DSCAM: variants seen among roughly 807,000 people sequenced by gnomAD.
DSCAM encodes DS cell adhesion molecule.
Under a neutral mutation model 217.7 loss-of-function variants are expected in DSCAM, and 47 were observed. That is an observed-to-expected ratio of 0.22 (90% CI 0.17 to 0.28). The LOEUF (loss-of-function observed/expected upper bound fraction) is 0.28. DSCAM is among the 10% of genes least tolerant of loss of function. The pLI, the probability that DSCAM is intolerant of heterozygous loss-of-function variation, is 1.00. For synonymous variants in DSCAM, 1,056 were observed against 1,015.3 expected (o/e 1.04, Z -0.76); for missense variants, 2,080 against 2,618.3 (o/e 0.79, Z 4.49).
intron 3 of DSCAM, among the ~76,000 whole-genome samples, chr21:40,422,359 G>A (rs1321397010): frequency 6.6e-6 from 1 of 152,222 alleles, no homozygotes. Flanking sequence ...GCCGAGCACA[G>A]TGGCTCACTC....
At chr21:40,350,857 T>C (rs1027980100) in intron 5 of DSCAM, among the ~76,000 whole-genome samples, 1 of 150,954 alleles carries the variant, frequency 6.6e-6, no homozygotes, top group Non-Finnish European at 1.5e-5. Flanking sequence ...CATTCAAAAG[T>C]GTTTAGCAAA....
chr21:40,385,741 C>T (rs2075077893), intron 3 of DSCAM, among the ~76,000 whole-genome samples: 1 of 152,142 alleles, frequency 6.6e-6, no homozygotes, highest in African/African-American at 2.4e-5. Flanking sequence ...AGCTTCTCGT[C>T]CCCCTCTGAC....
intron 3 of DSCAM, among the ~76,000 whole-genome samples, chr21:40,536,367 T>C (rs1423669779): frequency 6.6e-6 from 1 of 151,568 alleles, no homozygotes; most frequent in African/African-American, 2.4e-5. Flanking sequence ...ACTCTACCAA[T>C]GGATTTTGAA....
chr21:40,028,920 T>C (rs2088459530), intron 32 of DSCAM, among the ~76,000 whole-genome samples: 2 of 151,784 alleles, frequency 1.3e-5, no homozygotes, highest in Admixed American at 6.5e-5. Flanking sequence ...TCCCTTGAAA[T>C]GAGGATAGCT....
intron 1 of DSCAM, among the ~76,000 whole-genome samples, chr21:40,781,100 C>T (rs1296313773): frequency 2.0e-5 from 3 of 152,068 alleles, no homozygotes; most frequent in African/African-American, 2.4e-5. Flanking sequence ...CCTCCACCTC[C>T]GGGGTTCAAG....
rs145189664 is a variant in DSCAM, at chr21:40,155,738, C to T, written c.3019-11007G>A. Among the ~76,000 whole-genome samples, 1,314 of 152,058 alleles carry T rather than the reference C, an allele frequency of 8.6e-3. 22 individuals are homozygous for T. Among genetic ancestry groups the T allele is most frequent in the African/African-American group, 0.03 (1,235 of 41,492 alleles). Reference sequence around the variant, plus strand: ...CAACACCGCTGGTAAAGAGGTCAGTCGGGCAGGGGTGGAGCTGAGTGAGAT... The same window carrying T: ...CAACACCGCTGGTAAAGAGGTCAGTTGGGCAGGGGTGGAGCTGAGTGAGAT... On this transcript the variant is annotated intron_variant, in intron 16 of 32. Coordinates refer to ENST00000400454, the MANE Select transcript of DSCAM (RefSeq NM_001389.5).
At chr21:40,286,975 GCAGTGTGATCCA>G (rs1044168827) in intron 10 of DSCAM, among the ~76,000 whole-genome samples, 1 of 131,336 alleles carries the variant, frequency 7.6e-6, no homozygotes, top group African/African-American at 3.2e-5. Flanking sequence ...CAGTGTGATT[GCAGTGTGATCCA>G]CAGTGTGATC....
chr21:40,355,342 C>A (rs1020116038), intron 4 of DSCAM, among the ~76,000 whole-genome samples: 2 of 152,158 alleles, frequency 1.3e-5, no homozygotes, highest in African/African-American at 2.4e-5. Flanking sequence ...CAGCAGCTTG[C>A]AAATGATCAC....
chr21:40,141,399 G>A (rs763793489), intron 18 of DSCAM, among the ~76,000 whole-genome samples: 3 of 152,164 alleles, frequency 2.0e-5, no homozygotes, highest in Non-Finnish European at 1.5e-5. Context: ...CAGATCACTT[G>A]AGGCCAGGAG....
intron 6 of DSCAM, among the ~76,000 whole-genome samples, chr21:40,346,154 A>G (rs1378820196): frequency 6.6e-6 from 1 of 152,252 alleles, no homozygotes; most frequent in Non-Finnish European, 1.5e-5. Context: ...AATAGTGACT[A>G]TGTAAGGACT....
intron 6 of DSCAM, among the ~76,000 whole-genome samples, chr21:40,345,449 A>G (rs887481409): frequency 1.3e-5 from 2 of 152,076 alleles, no homozygotes; most frequent in Admixed American, 6.5e-5. Flanking sequence ...TGTTTTTATC[A>G]TCTTGGGAGT....
intron 11 of DSCAM, among the ~76,000 whole-genome samples, chr21:40,204,563 T>G (rs1275260957): frequency 6.6e-6 from 1 of 152,166 alleles, no homozygotes; most frequent in Non-Finnish European, 1.5e-5. Flanking sequence ...TTTTATAGGT[T>G]TGTGGAAGGG....
chr21:40,097,308 G>A (rs956508711), intron 20 of DSCAM, among the ~76,000 whole-genome samples: 5 of 152,146 alleles, frequency 3.3e-5, no homozygotes, highest in African/African-American at 9.7e-5. Flanking sequence ...TGCAAAGTGT[G>A]TAATACCGCT....
At position 40,369,167 on chromosome 21, in the gene DSCAM, C is replaced by G; in HGVS notation, c.587G>C (p.Arg196Pro). 6.2e-7 allele frequency: 1 copy of G among 1,613,444 alleles called. No individual in the cohort carries two copies. The highest frequency in any genetic ancestry group is 8.5e-7 in the Non-Finnish European group (1 of 1,179,718). The change falls in exon 4 of 33, where the codon CGC becomes CCC. Residue 196 changes from arginine to proline, a missense_variant. Around this residue, in one of 5 missense-constraint regions of DSCAM, gnomAD observed 568 missense variants for 678.1 expected, o/e 0.84. Coordinates refer to ENST00000400454, the MANE Select transcript of DSCAM (RefSeq NM_001389.5). Reference protein sequence around the residue: ...VQNEDGLYNYRCITRHRYTGE... With the variant: ...VQNEDGLYNYPCITRHRYTGE... ...GGTGTATCGATGCCGCGTGATGCAG[C>G]GGTAGTTATACAATCCATCTTCATT...
At chr21:40,491,759 T>C (rs1187583165) in intron 3 of DSCAM, among the ~76,000 whole-genome samples, 1 of 152,100 alleles carries the variant, frequency 6.6e-6, no homozygotes, top group South Asian at 2.1e-4. Flanking sequence ...CCTGAAAAGC[T>C]CTTCCTCTAA....
intron 3 of DSCAM, among the ~76,000 whole-genome samples, chr21:40,402,298 T>C (rs891184340): frequency 2.5e-4 from 35 of 138,066 alleles, no homozygotes; most frequent in African/African-American, 7.9e-4. Context: ...CTCAGTCTCC[T>C]GACCTCGTGA....
chr21:40,828,253 T>TAAAAAAA (rs1374730785), intron 1 of DSCAM, among the ~76,000 whole-genome samples: 1 of 151,862 alleles, frequency 6.6e-6, no homozygotes, highest in African/African-American at 2.4e-5. Flanking sequence ...AATAAATAAA[T>TAAAAAAA]AAAAATAAAT....
chr21:40,265,034 A>T lies in DSCAM; in HGVS notation c.2356+11063T>A, dbSNP rs189978052. Among the ~76,000 whole-genome samples the T allele has an allele frequency of 2.6e-3, 391 of 152,096 alleles. 3 individuals are homozygous for T. The highest frequency in any genetic ancestry group is 8.6e-3 in the African/African-American group (358 of 41,466). ...TGAAACCCCATTTATACTGAAAAAAAATATAAAAATTAGCCAGGTGTAGTG... is the reference window on the plus strand; with the variant it reads ...TGAAACCCCATTTATACTGAAAAAATATATAAAAATTAGCCAGGTGTAGTG... On this transcript the variant is annotated intron_variant, in intron 11 of 32. Coordinates refer to ENST00000400454, the MANE Select transcript of DSCAM (RefSeq NM_001389.5).
intron 8 of DSCAM, among the ~76,000 whole-genome samples, chr21:40,321,381 T>G (rs530821995): frequency 1.4e-4 from 22 of 152,228 alleles, no homozygotes; most frequent in Non-Finnish European, 2.6e-4. Context: ...AATCTAAGCT[T>G]CTTCAATTCT....
Sources: gnomAD v4.1 joint callset for allele counts (sites outside exome capture counted in the v4.1 genomes callset) on GRCh38, gnomAD v4.1.1 for gene constraint, gnomAD v4.1.1 regional missense constraint, MANE v1.5 for transcripts, NCBI Gene and HGNC (gene_info 2026-07-23, HGNC 2026-07-21) for gene names.